ZDHHC17: variants seen among roughly 807,000 people sequenced by gnomAD.
ZDHHC17 encodes the protein palmitoyltransferase ZDHHC17.
Under a neutral mutation model 90.3 loss-of-function variants are expected in ZDHHC17, and 40 were observed. The ratio of observed to expected loss-of-function variants is 0.44; its 90% confidence interval spans 0.34 to 0.58. The LOEUF is 0.58. ZDHHC17 is among the 20% of genes least tolerant of loss of function. ZDHHC17 has a pLI of 0.01. For missense variants in ZDHHC17, 614 were observed against 780.8 expected (o/e 0.79, Z 2.55); for synonymous variants, 235 against 252.4 (o/e 0.93, Z 0.65).
chr12:76,801,424 C>T (rs1398226151), intron 2 of ZDHHC17, among the ~76,000 whole-genome samples: 6 of 151,500 alleles, frequency 4.0e-5, no homozygotes, highest in Non-Finnish European at 4.4e-5. Context: ...GAGGCCAGGG[C>T]GGGTGGATCA....
intron 1 of ZDHHC17, among the ~76,000 whole-genome samples, chr12:76,782,521 A>G (rs1952638908): frequency 6.6e-6 from 1 of 152,194 alleles, no homozygotes; most frequent in Admixed American, 6.5e-5. Flanking sequence ...CCAGGCAAAC[A>G]CTTTAGATGC....
chr12:76,821,444 C>T (rs1319245347), intron 7 of ZDHHC17, among the ~76,000 whole-genome samples: 1 of 151,890 alleles, frequency 6.6e-6, no homozygotes, highest in African/African-American at 2.4e-5. Flanking sequence ...AATAAGTAAT[C>T]ATCCCTCATA....
chr12:76,780,155 T>G (rs1565762277), intron 1 of ZDHHC17, among the ~76,000 whole-genome samples: 1 of 152,226 alleles, frequency 6.6e-6, no homozygotes, highest in Admixed American at 6.5e-5. Context: ...ATGTAAATTT[T>G]AGGTTAAACT....
chr12:76,839,652 A>G (rs1953408530), intron 10 of ZDHHC17, among the ~76,000 whole-genome samples: 1 of 152,208 alleles, frequency 6.6e-6, no homozygotes, highest in Admixed American at 6.5e-5. Flanking sequence ...GAAAACATTG[A>G]TGGTAAATAC....
chr12:76,805,356 A>C lies in ZDHHC17; in HGVS notation c.237A>C (p.Ala79=). The change falls in exon 3 of 17, where the codon GCA becomes GCC. Residue 79 remains alanine (A), a synonymous_variant. Coordinates refer to ENST00000426126, the MANE Select transcript of ZDHHC17 (RefSeq NM_015336.4). The stretch of plus-strand genomic sequence containing the variant: ...AACGCTGTCGAGAATTGGTGGAAGC[A>C]GGTTATGATGTACGGCAACCGGACA... ...IYERCRELVE[A]GYDVRQPDKE... 1 of 1,603,872 alleles carries C rather than the reference A, an allele frequency of 6.2e-7. No homozygotes were observed. Among genetic ancestry groups the C allele is most frequent in the African/African-American group, 1.3e-5 (1 of 74,846 alleles).
chr12:76,809,236 A>T, intron 4 of ZDHHC17, 116 bp downstream of exon 4: 1 of 578,452 alleles, frequency 1.7e-6, no homozygotes, highest in Non-Finnish European at 2.7e-6. Flanking sequence ...CCGTTAGTTA[A>T]TATCATAAAT....
At chr12:76,774,332 A>G (rs541934796) in intron 1 of ZDHHC17, among the ~76,000 whole-genome samples, 42 of 151,864 alleles carry the variant, frequency 2.8e-4, no homozygotes, top group African/African-American at 1.0e-3. Context: ...ATATATATAC[A>G]TACACACACA....
chr12:76,808,648 TAAGGA>T (rs1231497845), intron 3 of ZDHHC17, among the ~76,000 whole-genome samples: 1 of 152,188 alleles, frequency 6.6e-6, no homozygotes, highest in African/African-American at 2.4e-5. Context: ...ACAGTAATCT[TAAGGA>T]AAGTAAGGCT....
intron 1 of ZDHHC17, among the ~76,000 whole-genome samples, chr12:76,772,029 A>G (rs1952498623): frequency 6.6e-6 from 1 of 152,232 alleles, no homozygotes; most frequent in Admixed American, 6.5e-5. Context: ...TAGCCGGGAC[A>G]TAGATGCCAG....
At chr12:76,811,068 A>C (rs1043849681) in intron 5 of ZDHHC17, among the ~76,000 whole-genome samples, 12 of 152,250 alleles carry the variant, frequency 7.9e-5, no homozygotes, top group African/African-American at 2.9e-4. Flanking sequence ...GAACAAAAGT[A>C]GAAGCTGTTT....
intron 1 of ZDHHC17, among the ~76,000 whole-genome samples, chr12:76,774,049 A>C (rs923239833): frequency 6.6e-6 from 1 of 152,112 alleles, no homozygotes; most frequent in Non-Finnish European, 1.5e-5. Flanking sequence ...TAGCAATTCC[A>C]GACCAGCCTG....
intron 2 of ZDHHC17, among the ~76,000 whole-genome samples, chr12:76,798,108 T>G (rs1952844614): frequency 6.6e-6 from 1 of 152,196 alleles, no homozygotes; most frequent in Non-Finnish European, 1.5e-5. Flanking sequence ...TGGAAAACAT[T>G]GTTGGAATTA....
intron 10 of ZDHHC17, among the ~76,000 whole-genome samples, chr12:76,834,766 T>C (rs1953344310): frequency 6.6e-6 from 1 of 152,218 alleles, no homozygotes; most frequent in Non-Finnish European, 1.5e-5. Flanking sequence ...CAGTATCTTT[T>C]TCCCTCCATT....
intron 15 of ZDHHC17, among the ~76,000 whole-genome samples, chr12:76,849,148 A>G (rs1472344197): frequency 1.4e-5 from 2 of 143,942 alleles, no homozygotes; most frequent in Non-Finnish European, 3.0e-5. Context: ...AAAACCCAAC[A>G]AAAAAAAGAA....
chr12:76,842,013 C>T lies in ZDHHC17; in HGVS notation c.1173C>T (p.Phe391=), dbSNP rs1953441143. Residue 391 remains phenylalanine, a synonymous_variant, in exon 11 of 17, where the codon TTC becomes TTT. Coordinates refer to ENST00000426126, the MANE Select transcript of ZDHHC17 (RefSeq NM_015336.4). ...ACTTTTTATTTATCCATCTTCCATT[C>T]CTTGCCAATAGTGTTGCACTTTTCT... The part of the protein sequence containing the change: ...DLNFLFIHLP[F]LANSVALFYN... The T allele has an allele frequency of 6.3e-7, 1 of 1,589,374 alleles. No homozygotes were observed. Among genetic ancestry groups the T allele is most frequent in the East Asian group, 2.3e-5 (1 of 43,412 alleles).
At chr12:76,835,777 A>G (rs1565802896) in intron 10 of ZDHHC17, among the ~76,000 whole-genome samples, 1 of 152,054 alleles carries the variant, frequency 6.6e-6, no homozygotes, top group Non-Finnish European at 1.5e-5. Context: ...TGGAATAGAC[A>G]CAGAATGAGC....
chr12:76,797,254 C>G (rs1445582049), intron 1 of ZDHHC17, among the ~76,000 whole-genome samples, 180 bp from the exon 2 acceptor site: 1 of 151,900 alleles, frequency 6.6e-6, no homozygotes, highest in Non-Finnish European at 1.5e-5. Flanking sequence ...CAGAGTGAGA[C>G]TCCATCTCAA....
intron 1 of ZDHHC17, among the ~76,000 whole-genome samples, chr12:76,794,930 G>C (rs187305470): frequency 1.3e-5 from 2 of 152,114 alleles, no homozygotes; most frequent in African/African-American, 4.8e-5. Context: ...GCATTTTGCC[G>C]TAGCACATTT....
intron 11 of ZDHHC17, among the ~76,000 whole-genome samples, 166 bp from the exon 12 acceptor site, chr12:76,842,750 ATTC>A (rs1481293515): frequency 3.3e-5 from 5 of 152,114 alleles, no homozygotes; most frequent in Non-Finnish European, 5.9e-5. Context: ...GCTACCCTGT[ATTC>A]TTCTTGCAAT....
Sources: gnomAD v4.1 joint callset for allele counts (sites outside exome capture counted in the v4.1 genomes callset) on GRCh38, gnomAD v4.1.1 for gene constraint, MANE v1.5 for transcripts, NCBI Gene and HGNC (gene_info 2026-07-23, HGNC 2026-07-21) for gene names.